Variants in ITIH5 observed in about 807,000 individuals in gnomAD.
ITIH5 encodes inter-alpha-trypsin inhibitor heavy chain H5.
A neutral mutation model predicts 77.5 loss-of-function variants in ITIH5; 65 were observed. That is an observed-to-expected ratio of 0.84 (90% CI 0.69 to 1.03). The LOEUF is 1.03. Among genes scored for constraint, ITIH5 ranks in the 50% least tolerant of loss-of-function variants. The probability of loss-of-function intolerance (pLI) is 0.00; values close to 1 mark genes in which losing one functional copy is unlikely to be tolerated. For missense variants in ITIH5, 1,208 were observed against 1,213.1 expected (o/e 1.00, Z 0.06); for synonymous variants, 525 against 494.3 (o/e 1.06, Z -0.82).
chr10:7,588,022 T>C (rs1443538401), intron 7 of ITIH5, among the ~76,000 whole-genome samples: 4 of 152,232 alleles, frequency 2.6e-5, no homozygotes, highest in Admixed American at 2.6e-4. Context: ...CATTCCACTG[T>C]CCAACTTGAA....
rs1284263096 is a variant in ITIH5, at chr10:7,576,516, T to C, written c.1915A>G (p.Met639Val). The change falls in exon 10 of 14, where the codon ATG becomes GTG. Residue 639 changes from methionine to valine, a missense_variant. Met to Val is a conservative substitution (Grantham distance 21). Coordinates refer to ENST00000397146, the MANE Select transcript of ITIH5 (RefSeq NM_030569.7). The stretch of plus-strand genomic sequence containing the variant: ...GGTTCGGGTCCCATGGCAGCCGACA[T>C]GCCGTGGGCCTCCTCCAGGCCATCC... ...RMDGLEEAHG[M>V]SAAMGPEPVV... 3 of 1,611,888 alleles carry C rather than the reference T, an allele frequency of 1.9e-6. No individual in the cohort carries two copies. Among genetic ancestry groups the C allele is most frequent in the East Asian group, 2.2e-5 (1 of 44,872 alleles).
At chr10:7,617,427 A>G in intron 5 of ITIH5, 145 bp from the exon 6 acceptor site, 2 of 505,632 alleles carry the variant, frequency 4.0e-6, no homozygotes, top group Non-Finnish European at 6.8e-6. Context: ...GTACTCATAT[A>G]TCACAATGCG....
chr10:7,624,002 G>A (rs977553274), intron 5 of ITIH5, among the ~76,000 whole-genome samples: 8 of 152,070 alleles, frequency 5.3e-5, no homozygotes, highest in African/African-American at 1.9e-4. Flanking sequence ...AAACTCAACT[G>A]TAGTATTTTA....
At chr10:7,591,550 G>A (rs11255221) in intron 7 of ITIH5, among the ~76,000 whole-genome samples, 3 of 151,882 alleles carry the variant, frequency 2.0e-5, no homozygotes, top group Admixed American at 1.3e-4. Flanking sequence ...ACGCTGTGCC[G>A]CCATGACTTC....
intron 2 of ITIH5, among the ~76,000 whole-genome samples, chr10:7,644,753 A>ATATC (rs1184803720): frequency 1.6e-4 from 18 of 113,320 alleles, no homozygotes; most frequent in African/African-American, 7.1e-4. Context: ...TATATATCAC[A>ATATC]TATATCACAT....
At chr10:7,655,288 G>C (rs1484377224) in intron 2 of ITIH5, among the ~76,000 whole-genome samples, 1 of 151,938 alleles carries the variant, frequency 6.6e-6, no homozygotes, top group African/African-American at 2.4e-5. Flanking sequence ...TCAATTCTTT[G>C]GTTGCTTTAG....
At chr10:7,579,631 G>T in intron 9 of ITIH5, 124 bp downstream of exon 9, 2 of 933,654 alleles carry the variant, frequency 2.1e-6, no homozygotes, top group Non-Finnish European at 3.3e-6. Context: ...ATTGCAATGA[G>T]CTATGATCGT....
At chr10:7,637,593 C>G (rs1448296191) in intron 4 of ITIH5, 115 bp from the exon 5 acceptor site, 1 of 1,036,306 alleles carries the variant, frequency 9.6e-7, no homozygotes, top group Non-Finnish European at 1.4e-6. Flanking sequence ...CAGGGAGACC[C>G]ATGGGTGTGA....
At chr10:7,570,035 C>T (rs11599499) in intron 11 of ITIH5, 55,768 of 361,038 alleles carry the variant, frequency 0.15, 4,881 homozygotes, top group Admixed American at 0.18. Flanking sequence ...CTCCTTTCAA[C>T]ACACCTCAGC....
chr10:7,651,859 C>T (rs1286080339), intron 2 of ITIH5, among the ~76,000 whole-genome samples: 1 of 152,152 alleles, frequency 6.6e-6, no homozygotes, highest in East Asian at 1.9e-4. Flanking sequence ...GGTGCTTCCC[C>T]ATGTGTCCTG....
At chr10:7,587,158 C>T (rs181675998) in intron 7 of ITIH5, among the ~76,000 whole-genome samples, 1 of 152,178 alleles carries the variant, frequency 6.6e-6, no homozygotes, top group African/African-American at 2.4e-5. Flanking sequence ...AGAAGGAAGG[C>T]AGTTTGAGCA....
chr10:7,652,076 C>T (rs1051246606), intron 2 of ITIH5, among the ~76,000 whole-genome samples: 6 of 152,142 alleles, frequency 3.9e-5, no homozygotes, highest in African/African-American at 1.2e-4. Flanking sequence ...TCTTGGGAAA[C>T]CCAGGCCAGG....
At chr10:7,644,478 TA>T (rs533447141) in intron 2 of ITIH5, among the ~76,000 whole-genome samples, 13 of 109,964 alleles carry the variant, frequency 1.2e-4, no homozygotes, top group African/African-American at 3.2e-4. Flanking sequence ...AGATCATATA[TA>T]ATCACATATA....
At chr10:7,638,409 G>A (rs868275780) in intron 4 of ITIH5, among the ~76,000 whole-genome samples, 2 of 152,150 alleles carry the variant, frequency 1.3e-5, no homozygotes, top group South Asian at 2.1e-4. Context: ...ACCGAAACCC[G>A]CCATTGTAAA....
At chr10:7,641,674 CAGGGAAGG>C (rs1444872337) in intron 3 of ITIH5, among the ~76,000 whole-genome samples, 1 of 58,610 alleles carries the variant, frequency 1.7e-5, no homozygotes, top group African/African-American at 7.4e-5. Flanking sequence ...GGGAGGGAGG[CAGGGAAGG>C]AGGGAGGGAG....
At chr10:7,658,278 T>C (rs562148405) in intron 1 of ITIH5, among the ~76,000 whole-genome samples, 35 of 152,212 alleles carry the variant, frequency 2.3e-4, no homozygotes, top group Admixed American at 8.5e-4. Context: ...GAAACTCTTT[T>C]AACCCCATTC....
chr10:7,616,095 G>T lies in ITIH5; in HGVS notation c.826C>A (p.Leu276Ile), dbSNP rs1833361343. The change falls in exon 7 of 14, where the codon CTA becomes ATA. Residue 276 changes from leucine (L) to isoleucine (I), a missense_variant. By Grantham distance (5) the Leu-to-Ile change is conservative. Coordinates refer to ENST00000397146, the MANE Select transcript of ITIH5 (RefSeq NM_030569.7). Reference sequence around the variant, plus strand: ...AAGTAGTGCACAAAATAGCCATTTAGAACCTGGTGGAGGGAAAAGAAAGTA... The same window carrying T: ...AAGTAGTGCACAAAATAGCCATTTATAACCTGGTGGAGGGAAAAGAAAGTA... ...REQSIGDIQV[L>I]NGYFVHYFAP... 6.3e-7 allele frequency: 1 copy of T among 1,578,958 alleles called. No individual in the cohort carries two copies. The highest frequency in any genetic ancestry group is 1.7e-5 in the Admixed American group (1 of 59,938).
At chr10:7,610,405 G>T (rs1344114698) in intron 7 of ITIH5, among the ~76,000 whole-genome samples, 1 of 152,106 alleles carries the variant, frequency 6.6e-6, no homozygotes, top group Non-Finnish European at 1.5e-5. Flanking sequence ...AGGTTGAATG[G>T]TCTTTACAGC....
intron 7 of ITIH5, among the ~76,000 whole-genome samples, chr10:7,608,345 T>C (rs1245113382): frequency 6.6e-6 from 1 of 152,156 alleles, no homozygotes; most frequent in Non-Finnish European, 1.5e-5. Context: ...AATGGCGCCA[T>C]CATAGCTCAC....
Sources: allele counts gnomAD v4.1 joint callset (sites outside exome capture counted in the v4.1 genomes callset), GRCh38; gene constraint gnomAD v4.1.1; transcripts MANE v1.5; gene names NCBI Gene and HGNC (gene_info 2026-07-23, HGNC 2026-07-21).